The following MTMR3 variants were observed in gnomAD, a reference collection of about 807,000 sequenced individuals.
MTMR3 encodes the protein phosphatidylinositol-3,5-bisphosphate 3-phosphatase MTMR3.
MTMR3 carries 32 observed loss-of-function variants against 132.4 expected under a neutral mutation model. The ratio of observed to expected loss-of-function variants is 0.24; its 90% CI spans 0.18 to 0.32. MTMR3 has a LOEUF of 0.32. Among genes scored for constraint, MTMR3 ranks in the 10% least tolerant of loss-of-function variants. The pLI is 1.00. For missense variants in MTMR3, 1,216 were observed against 1,489.6 expected (o/e 0.82, Z 3.02); for synonymous variants, 556 against 550.3 (o/e 1.01, Z -0.14).
intron 2 of MTMR3, among the ~76,000 whole-genome samples, chr22:29,960,760 A>G (rs1416838745): frequency 6.6e-6 from 1 of 152,196 alleles, no homozygotes; most frequent in Non-Finnish European, 1.5e-5. Context: ...TAGAGTTAGT[A>G]TATGGCAGCC....
intron 1 of MTMR3, among the ~76,000 whole-genome samples, chr22:29,938,869 T>A (rs2145806284): frequency 6.6e-6 from 1 of 152,226 alleles, no homozygotes; most frequent in Non-Finnish European, 1.5e-5. Context: ...ATGCCCAGGC[T>A]AGAGTGCAGT....
At chr22:29,943,745 GT>G in intron 1 of MTMR3, among the ~76,000 whole-genome samples, 1 of 151,874 alleles carries the variant, frequency 6.6e-6, no homozygotes, top group Non-Finnish European at 1.5e-5. Context: ...TAGACTTTTA[GT>G]TTAGGCATTT....
At chr22:29,906,245 C>T (rs573315446) in intron 1 of MTMR3, among the ~76,000 whole-genome samples, 6 of 107,156 alleles carry the variant, frequency 5.6e-5, no homozygotes, top group African/African-American at 1.6e-4. Flanking sequence ...TCCATCCATC[C>T]GTCTGTCTGT....
chr22:29,901,194 C>T (rs2064997406), intron 1 of MTMR3, among the ~76,000 whole-genome samples: 1 of 151,844 alleles, frequency 6.6e-6, no homozygotes, highest in East Asian at 1.9e-4. Flanking sequence ...ATTACTTGGG[C>T]TTTATTCCCT....
chr22:29,927,939 GTTT>G (rs764629136), intron 1 of MTMR3, among the ~76,000 whole-genome samples: 1 of 107,374 alleles, frequency 9.3e-6, no homozygotes, highest in African/African-American at 3.5e-5. Flanking sequence ...TCTAGCCTTT[GTTT>G]TTTTTTTTTT....
chr22:29,970,945 T>TTTTTTTTCCCC, intron 2 of MTMR3, 31 bp from the exon 3 acceptor site: 2 of 756,722 alleles, frequency 2.6e-6, no homozygotes, highest in Non-Finnish European at 4.0e-6. Flanking sequence ...CTTTTTTTTT[T>TTTTTTTTCCCC]CTTCTTCCCC....
intron 1 of MTMR3, among the ~76,000 whole-genome samples, chr22:29,918,277 T>A (rs1324231233): frequency 6.6e-6 from 1 of 152,246 alleles, no homozygotes; most frequent in Non-Finnish European, 1.5e-5. Flanking sequence ...TTCCAGTGTA[T>A]GCCTGAATAG....
rs947307317 is a variant in MTMR3, at chr22:30,020,851, C to T, written c.3192C>T (p.Ser1064=). 2.5e-6 allele frequency: 4 copies of T among 1,602,848 alleles called. No homozygotes were observed. Among genetic ancestry groups the T allele is most frequent in the Non-Finnish European group, 3.4e-6 (4 of 1,174,088 alleles). ...TGGAGAGCCAGTACCTGACCAGCTC[C>T]CTACACTTTAATGGAGACTTTGGGG... The part of the protein sequence containing the change: ...SRLESQYLTS[S]LHFNGDFGDE... The change falls in exon 17 of 20, where the codon TCC becomes TCT. Residue 1064 remains serine, a synonymous_variant. Transcript: ENST00000401950.
At chr22:29,892,843 A>C (rs2064825769) in intron 1 of MTMR3, among the ~76,000 whole-genome samples, 1 of 152,258 alleles carries the variant, frequency 6.6e-6, no homozygotes, top group African/African-American at 2.4e-5. Flanking sequence ...TGCTTTGCAC[A>C]AAAGGCCACA....
At chr22:29,946,558 G>A (rs1158501960) in intron 1 of MTMR3, among the ~76,000 whole-genome samples, 1 of 152,192 alleles carries the variant, frequency 6.6e-6, no homozygotes, top group Non-Finnish European at 1.5e-5. Context: ...GAAGAAAAAT[G>A]AGGGAACAAG....
At chr22:29,960,854 T>G (rs1443537341) in intron 2 of MTMR3, among the ~76,000 whole-genome samples, 1 of 152,190 alleles carries the variant, frequency 6.6e-6, no homozygotes, top group Non-Finnish European at 1.5e-5. Flanking sequence ...AAACCTTTCA[T>G]TAAAACTTAT....
Position 29,894,155 on chromosome 22 carries a change from A to AT in MTMR3, c.-138+10800dup, listed in dbSNP as rs1336467876. 3.9e-5 allele frequency among the ~76,000 whole-genome samples: 6 copies of AT among 152,118 alleles called. No homozygotes were observed. In the East Asian group the frequency reaches 1.2e-3, roughly 29 times the overall value. ...CCACCACGCTCAGCCAAAAACTGCT[A>AT]TTTTAAAGTCTTTATTTTTCACTGG... is the stretch of plus-strand genomic sequence containing the variant. On this transcript the variant is annotated intron_variant, in intron 1 of 19. Coordinates refer to ENST00000401950, the MANE Select transcript of MTMR3 (RefSeq NM_021090.4).
intron 1 of MTMR3, among the ~76,000 whole-genome samples, chr22:29,934,624 T>C (rs2065712570): frequency 6.6e-6 from 1 of 152,312 alleles, no homozygotes; most frequent in Middle Eastern, 3.4e-3. Flanking sequence ...TTTGAAAAGA[T>C]TCTATTTTAG....
chr22:29,938,942 C>T (rs1036909456), intron 1 of MTMR3, among the ~76,000 whole-genome samples: 3 of 152,060 alleles, frequency 2.0e-5, no homozygotes, highest in African/African-American at 7.2e-5. Flanking sequence ...CTGCCTCAGC[C>T]TCCTGAGTAG....
At position 29,971,756 on chromosome 22, in the gene MTMR3, G is replaced by T. The variant is rs7287547; in HGVS notation, c.3+694G>T. Among the ~76,000 whole-genome samples the T allele has an allele frequency of 4.5e-3, 680 of 152,144 alleles. 6 individuals carry two copies. Among genetic ancestry groups the T allele is most frequent in the African/African-American group, 0.015 (642 of 41,514 alleles). Reference sequence around the variant, plus strand: ...TGACTTACGGGCCATTTCGGGCCCAGCTCAAGCAGAGAAGATGGAGCAACA... The same window carrying T: ...TGACTTACGGGCCATTTCGGGCCCATCTCAAGCAGAGAAGATGGAGCAACA... On this transcript the variant is annotated intron_variant, in intron 3 of 19. Coordinates refer to ENST00000401950, the MANE Select transcript of MTMR3 (RefSeq NM_021090.4).
chr22:29,974,379 A>C (rs1316964141), intron 3 of MTMR3, among the ~76,000 whole-genome samples: 4 of 152,216 alleles, frequency 2.6e-5, no homozygotes, highest in African/African-American at 7.2e-5. Flanking sequence ...AATGAATCCT[A>C]ATGTTACGTC....
chr22:29,884,434 C>A (rs1317973880), intron 1 of MTMR3, among the ~76,000 whole-genome samples: 1 of 151,906 alleles, frequency 6.6e-6, no homozygotes, highest in Non-Finnish European at 1.5e-5. Context: ...TGGTGGGGAC[C>A]TTCCCCTTTC....
chr22:30,013,550 C>A lies in MTMR3; in HGVS notation c.1503+9C>A. 1 of 1,612,220 alleles carries A rather than the reference C, an allele frequency of 6.2e-7. No homozygotes were observed. Among genetic ancestry groups the A allele is most frequent in the Non-Finnish European group, 8.5e-7 (1 of 1,178,942 alleles). On this transcript the variant is annotated intron_variant, in intron 14 of 19. Coordinates refer to ENST00000401950, the MANE Select transcript of MTMR3 (RefSeq NM_021090.4). Reference sequence around the variant, plus strand: ...TCAATGAAGCATTCCTTGTAAGTTTCTTCATTTTGGGGACTTTCTCAATTT... The same window carrying A: ...TCAATGAAGCATTCCTTGTAAGTTTATTCATTTTGGGGACTTTCTCAATTT...
chr22:29,927,939 G>GTTTTTTT lies in MTMR3; in HGVS notation c.-137-29084_-137-29078dup, dbSNP rs764629136. Among the ~76,000 whole-genome samples, 130 of 107,374 alleles carry GTTTTTTT rather than the reference G, an allele frequency of 1.2e-3. 1 individual carries two copies. Among genetic ancestry groups the GTTTTTTT allele is most frequent in the East Asian group, 3.5e-3 (12 of 3,452 alleles). The allele number at this position is 107,374 out of a possible 152,430, so 70.4% of individuals were successfully genotyped here. ...TGTAATGCTAAAATCTCTAGCCTTT[G>GTTTTTTT]TTTTTTTTTTTTTTTTTTTGAGACG... On this transcript the variant is annotated intron_variant, in intron 1 of 19. Coordinates refer to ENST00000401950, the MANE Select transcript of MTMR3 (RefSeq NM_021090.4).
Sources: allele counts gnomAD v4.1 joint callset (sites outside exome capture counted in the v4.1 genomes callset), GRCh38; gene constraint gnomAD v4.1.1; transcripts MANE v1.5; gene names NCBI Gene and HGNC (gene_info 2026-07-23, HGNC 2026-07-21).